MAD1L1: variants seen among roughly 807,000 people sequenced by gnomAD.
The protein encoded by MAD1L1 is mitotic spindle assembly checkpoint protein MAD1.
In MAD1L1, 95 loss-of-function variants were observed where a neutral mutation model predicts 96.9. The observed-to-expected ratio is 0.98, with a 90% CI of 0.83 to 1.16. The LOEUF (loss-of-function observed/expected upper bound fraction) is 1.16. MAD1L1 is among the 50% of genes most tolerant of loss of function. The probability of loss-of-function intolerance (pLI) is 0.00; values close to 1 mark genes in which losing one functional copy is unlikely to be tolerated. For synonymous variants in MAD1L1, 473 were observed against 396.6 expected, an observed-to-expected ratio of 1.19 and a Z score of -2.29; for missense variants, 1,007 against 954.4, an observed-to-expected ratio of 1.06 and a Z score of -0.73.
chr7:2,226,713 G>A (rs1052288790), intron 3 of MAD1L1, among the ~76,000 whole-genome samples: 1 of 152,234 alleles, frequency 6.6e-6, no homozygotes, highest in African/African-American at 2.4e-5. Context: ...CTTTAGGTTG[G>A]GTGTGGTGGC....
chr7:2,220,847 T>A (rs73291554), intron 5 of MAD1L1: 2 of 1,567,750 alleles, frequency 1.3e-6, no homozygotes, highest in African/African-American at 2.7e-5. Context: ...AATAAACACA[T>A]CCTCCCAGAG....
rs202031762 is a variant in MAD1L1, at chr7:1,980,446, G to T, written c.1505+7C>A. ...GGGCGTGTCCGCCTCCTCTCTGGGG[G>T]ACGTACCTGAGCGTGTCCGCCTCCT... On this transcript the variant is annotated splice_region_variant and intron_variant, in intron 15 of 18. Transcript: ENST00000265854. The T allele has an allele frequency of 6.2e-7, 1 of 1,608,956 alleles. No homozygotes were observed. Among genetic ancestry groups the T allele is most frequent in the South Asian group, 1.1e-5 (1 of 90,006 alleles).
chr7:1,918,673 AT>A (rs1172813856), intron 17 of MAD1L1, among the ~76,000 whole-genome samples: 1 of 152,198 alleles, frequency 6.6e-6, no homozygotes, highest in African/African-American at 2.4e-5. Context: ...GCTGGCCTTT[AT>A]TACCCAACAC....
intron 18 of MAD1L1, among the ~76,000 whole-genome samples, chr7:1,852,971 G>A (rs528537911): frequency 1.3e-4 from 20 of 152,346 alleles, no homozygotes; most frequent in South Asian, 1.0e-3. Context: ...ACCAAGCACT[G>A]AGCACATGCC....
At chr7:2,098,462 G>T (rs1341976005) in intron 11 of MAD1L1, among the ~76,000 whole-genome samples, 1 of 152,144 alleles carries the variant, frequency 6.6e-6, no homozygotes, top group Non-Finnish European at 1.5e-5. Context: ...AAATAGCCAG[G>T]GTCCCTCTCC....
At chr7:1,949,458 G>A (rs142884753) in intron 16 of MAD1L1, among the ~76,000 whole-genome samples, 98 of 152,298 alleles carry the variant, frequency 6.4e-4, no homozygotes, top group African/African-American at 2.1e-3. Flanking sequence ...CTTGAGAACC[G>A]AGGGGCATCT....
chr7:2,001,964 G>A, intron 14 of MAD1L1, 101 bp downstream of exon 14: 3 of 1,227,944 alleles, frequency 2.4e-6, no homozygotes, highest in Non-Finnish European at 3.6e-6. Flanking sequence ...AGGCAGCCAT[G>A]CACTGGCGCC....
intron 10 of MAD1L1, among the ~76,000 whole-genome samples, chr7:2,161,068 G>A (rs1338858246): frequency 4.5e-5 from 4 of 88,308 alleles, no homozygotes; most frequent in Non-Finnish European, 9.5e-5. Flanking sequence ...ATCACTGCAA[G>A]GTTTCCTACC....
chr7:2,211,178 T>C (rs1421476516), intron 10 of MAD1L1, among the ~76,000 whole-genome samples: 1 of 152,086 alleles, frequency 6.6e-6, no homozygotes, highest in Non-Finnish European at 1.5e-5. Flanking sequence ...CCACCAGCCC[T>C]ACAGACCAAC....
intron 10 of MAD1L1, among the ~76,000 whole-genome samples, chr7:2,170,619 A>G (rs1397955222): frequency 6.6e-6 from 1 of 152,168 alleles, no homozygotes; most frequent in Non-Finnish European, 1.5e-5. Context: ...GCTTCATCTC[A>G]GGCAGATCCC....
intron 10 of MAD1L1, 54 bp from the exon 11 acceptor site, chr7:2,149,292 G>C: frequency 7.0e-7 from 1 of 1,421,380 alleles, no homozygotes; most frequent in Non-Finnish European, 9.9e-7. Flanking sequence ...AAGTAAACCT[G>C]ATTCTGCACA....
intron 11 of MAD1L1, among the ~76,000 whole-genome samples, chr7:2,123,948 G>A (rs1788105649): frequency 6.7e-6 from 1 of 149,576 alleles, no homozygotes; most frequent in Admixed American, 6.6e-5. Context: ...CACAAGCAAA[G>A]GCAGCCCAGG....
chr7:2,120,897 G>A lies in MAD1L1; in HGVS notation c.1073+28255C>T, dbSNP rs550911718. Among the ~76,000 whole-genome samples, 4 of 152,344 alleles carry A rather than the reference G, an allele frequency of 2.6e-5. No individual in the cohort carries two copies. In the South Asian group the frequency reaches 8.3e-4, roughly 32 times the overall value. On this transcript the variant is annotated intron_variant, in intron 11 of 18. Transcript: ENST00000265854. ...CCAACAGGCTGGTGTGGCCTCCAGG[G>A]CGGGGCGAGGAAGGTCTTCACCCCT... is the stretch of plus-strand genomic sequence containing the variant.
chr7:1,894,871 G>A (rs1050968445), intron 18 of MAD1L1, among the ~76,000 whole-genome samples: 1 of 152,110 alleles, frequency 6.6e-6, no homozygotes, highest in African/African-American at 2.4e-5. Flanking sequence ...AGCCTAGGGA[G>A]AAATGGAGCA....
At position 2,123,304 on chromosome 7, in the gene MAD1L1, CAAAAA is replaced by C. The variant is rs56201563; in HGVS notation, c.1073+25843_1073+25847del. Among the ~76,000 whole-genome samples the C allele has an allele frequency of 1.0e-4, 11 of 108,740 alleles. No homozygotes were observed. The East Asian group carries it at 2.9e-3, about 28-fold the overall frequency. 71.3% of individuals were successfully genotyped at this position (108,740 alleles called of 152,430 possible). A position where few individuals can be genotyped will look rare whatever the true frequency, so the allele number is the denominator to read the frequency against. On this transcript the variant is annotated intron_variant, in intron 11 of 18. Coordinates refer to ENST00000265854, the MANE Select transcript of MAD1L1 (RefSeq NM_001013836.2). Reference sequence around the variant, plus strand: ...TGGGCGACAGAGCGAGACTCCATCTCAAAAAAAAAAAAAAAAGCAGCAGGGGAGCT... The same window carrying C: ...TGGGCGACAGAGCGAGACTCCATCTCAAAAAAAAAAAGCAGCAGGGGAGCT...
chr7:1,941,635 C>G (rs1294549116), intron 16 of MAD1L1, among the ~76,000 whole-genome samples: 1 of 152,224 alleles, frequency 6.6e-6, no homozygotes, highest in Non-Finnish European at 1.5e-5. Context: ...GCATGCACCA[C>G]CAGGTCCTGC....
chr7:2,165,267 C>A (rs1790369546), intron 10 of MAD1L1, among the ~76,000 whole-genome samples: 1 of 151,888 alleles, frequency 6.6e-6, no homozygotes, highest in Non-Finnish European at 1.5e-5. Flanking sequence ...CTACAACAAA[C>A]AAGGCTAAGC....
intron 15 of MAD1L1, among the ~76,000 whole-genome samples, chr7:1,975,877 T>C (rs1780613411): frequency 6.6e-6 from 1 of 152,144 alleles, no homozygotes; most frequent in Non-Finnish European, 1.5e-5. Flanking sequence ...TAGCAGGCAC[T>C]GGCACAGATA....
intron 16 of MAD1L1, among the ~76,000 whole-genome samples, chr7:1,955,537 C>T (rs559422405): frequency 1.3e-5 from 2 of 152,302 alleles, no homozygotes; most frequent in African/African-American, 4.8e-5. Flanking sequence ...GCAATCCACC[C>T]GCCTCAGCCT....
Sources: gnomAD v4.1 joint callset for allele counts (sites outside exome capture counted in the v4.1 genomes callset) on GRCh38, gnomAD v4.1.1 for gene constraint, MANE v1.5 for transcripts, NCBI Gene and HGNC (gene_info 2026-07-23, HGNC 2026-07-21) for gene names.